PTPRM: variants seen among roughly 807,000 people sequenced by gnomAD.
The protein encoded by PTPRM is protein tyrosine phosphatase receptor type M.
A neutral mutation model predicts 186.7 loss-of-function variants in PTPRM; 47 were observed. That is an observed-to-expected ratio of 0.25 (90% CI 0.20 to 0.32). The LOEUF is 0.32. PTPRM is among the 10% of genes least tolerant of loss of function. PTPRM has a pLI of 1.00. For synonymous variants in PTPRM, 668 were observed against 674.9 expected (o/e 0.99, Z 0.16); for missense variants, 1,494 against 1,865.0 (o/e 0.80, Z 3.66).
intron 7 of PTPRM, among the ~76,000 whole-genome samples, chr18:7,985,682 G>T (rs2082926378): frequency 6.6e-6 from 1 of 150,538 alleles, no homozygotes; most frequent in Non-Finnish European, 1.5e-5. Context: ...GTATATATGG[G>T]GTAAATGAGA....
intron 2 of PTPRM, among the ~76,000 whole-genome samples, chr18:7,783,073 A>G (rs563356691): frequency 2.0e-5 from 3 of 152,222 alleles, no homozygotes; most frequent in Non-Finnish European, 4.4e-5. Context: ...ATAAAATTGT[A>G]CAAGATGACA....
intron 12 of PTPRM, among the ~76,000 whole-genome samples, chr18:8,114,176 A>G (rs1282402950): frequency 2.6e-5 from 4 of 152,190 alleles, no homozygotes; most frequent in Non-Finnish European, 4.4e-5. Flanking sequence ...AAGTTCCACA[A>G]GAGTTTCTAC....
At chr18:8,285,511 C>T (rs1161028141) in intron 19 of PTPRM, among the ~76,000 whole-genome samples, 1 of 152,160 alleles carries the variant, frequency 6.6e-6, no homozygotes, top group Non-Finnish European at 1.5e-5. Flanking sequence ...TTGGCTTTCC[C>T]GTTAGTTGTC....
intron 22 of PTPRM, among the ~76,000 whole-genome samples, chr18:8,327,408 C>T (rs1177921425): frequency 6.6e-6 from 1 of 152,212 alleles, no homozygotes; most frequent in Non-Finnish European, 1.5e-5. Flanking sequence ...GATGCCTTGG[C>T]AGAAGATCAC....
intron 4 of PTPRM, among the ~76,000 whole-genome samples, chr18:7,919,816 G>A (rs1410911113): frequency 6.6e-6 from 1 of 152,090 alleles, no homozygotes. Flanking sequence ...TGCTATGACT[G>A]TATTACAGTT....
At chr18:7,980,590 C>T (rs1198893738) in intron 7 of PTPRM, among the ~76,000 whole-genome samples, 1 of 151,884 alleles carries the variant, frequency 6.6e-6, no homozygotes, top group East Asian at 1.9e-4. Flanking sequence ...CACTATGTTG[C>T]CCAGGCTGGT....
At chr18:8,278,819 A>G (rs1333835667) in intron 19 of PTPRM, among the ~76,000 whole-genome samples, 1 of 152,160 alleles carries the variant, frequency 6.6e-6, no homozygotes, top group Non-Finnish European at 1.5e-5. Context: ...GTTCATTGAA[A>G]TGTTTACTTG....
intron 4 of PTPRM, among the ~76,000 whole-genome samples, chr18:7,922,799 A>T (rs199660304): frequency 1.6e-4 from 13 of 82,348 alleles, no homozygotes; most frequent in African/African-American, 2.2e-4. Context: ...TTTAACTTAT[A>T]AAAAAAAGGT....
chr18:7,675,403 A>G (rs2039310792), intron 1 of PTPRM, among the ~76,000 whole-genome samples: 1 of 152,204 alleles, frequency 6.6e-6, no homozygotes, highest in South Asian at 2.1e-4. Context: ...CCCTTGTTCC[A>G]GAGCACACCA....
chr18:8,051,535 C>T (rs1351535729), intron 7 of PTPRM, among the ~76,000 whole-genome samples: 2 of 152,088 alleles, frequency 1.3e-5, no homozygotes, highest in African/African-American at 2.4e-5. Context: ...ATAGTTTTAT[C>T]GCATACGTAT....
In PTPRM at chr18:8,072,571, T is replaced by C. The variant is rs565711542; in HGVS notation, c.1441+2577T>C. Among the ~76,000 whole-genome samples the C allele has an allele frequency of 2.0e-5, 3 of 152,276 alleles. No individual in the cohort carries two copies. In the South Asian group the frequency reaches 6.2e-4, roughly 32 times the overall value. On this transcript the variant is annotated intron_variant, in intron 8 of 32. Transcript: ENST00000580170. ...AGAGAAGAAAGAAATAGAATAATTG[T>C]CAAACAGTATCCAGTTTGAAGAGAA...
At chr18:7,694,782 G>A (rs1412336985) in intron 1 of PTPRM, among the ~76,000 whole-genome samples, 1 of 152,104 alleles carries the variant, frequency 6.6e-6, no homozygotes, top group Admixed American at 6.5e-5. Flanking sequence ...ATATAAGAAT[G>A]GGTGAATGTA....
In PTPRM at chr18:8,118,811, A is replaced by ATAT. The variant is rs1555749530; in HGVS notation, c.2167+3984_2167+3985insTAT. On this transcript the variant is annotated intron_variant, in intron 13 of 32. Coordinates refer to ENST00000580170, the MANE Select transcript of PTPRM (RefSeq NM_001105244.2). ...TGACATTCCATCTCAAAAAAAAAAA[A>ATAT]ATATATATATATATATATATATGAG... Among the ~76,000 whole-genome samples, 660 of 128,324 alleles carry ATAT rather than the reference A, an allele frequency of 5.1e-3. 1 individual carries two copies. The highest frequency in any genetic ancestry group is 0.01 in the African/African-American group (359 of 34,746). 84.2% of individuals were successfully genotyped at this position (128,324 alleles called of 152,430 possible). A position where few individuals can be genotyped will look rare whatever the true frequency, so the allele number is the denominator to read the frequency against.
intron 2 of PTPRM, among the ~76,000 whole-genome samples, chr18:7,774,536 C>T (rs907491465): frequency 2.5e-4 from 38 of 152,216 alleles, no homozygotes; most frequent in African/African-American, 8.9e-4. Context: ...TGATCTTTTC[C>T]CAAGCAGCAA....
intron 7 of PTPRM, among the ~76,000 whole-genome samples, chr18:8,025,910 T>TA (rs1248580697): frequency 6.6e-6 from 1 of 152,170 alleles, no homozygotes; most frequent in Non-Finnish European, 1.5e-5. Context: ...GCTGCACAGG[T>TA]AAACACCTGT....
rs114263641 is a variant in PTPRM, at chr18:7,787,137, A to G, written c.196+12866A>G. ...ACTAGCTTTGGGAAGCATTCACCAT[A>G]ATGTATTTTCTCCACACTTGATATT... On this transcript the variant is annotated intron_variant, in intron 2 of 32. Transcript: ENST00000580170. 5.3e-3 allele frequency among the ~76,000 whole-genome samples: 807 copies of G among 152,324 alleles called. 9 individuals are homozygous for G. The highest frequency in any genetic ancestry group is 0.018 in the African/African-American group (761 of 41,570).
chr18:8,068,838 G>A (rs1377661372), intron 7 of PTPRM, among the ~76,000 whole-genome samples: 1 of 152,118 alleles, frequency 6.6e-6, no homozygotes, highest in African/African-American at 2.4e-5. Context: ...GGTGGCACAC[G>A]CCTGTAGTCC....
chr18:8,330,864 T>C (rs639197), intron 22 of PTPRM, among the ~76,000 whole-genome samples: 144,584 of 152,202 alleles, frequency 0.95, 69,027 homozygotes, highest in East Asian at 1. Context: ...CGCCTCTTTT[T>C]AGCTCCCCAT....
At chr18:8,360,813 A>T (rs901412126) in intron 23 of PTPRM, 26 of 152,262 alleles carry the variant, frequency 1.7e-4, no homozygotes, top group African/African-American at 6.3e-4. Context: ...CAGAACTCTT[A>T]TCACTTAAAA....
Sources: gnomAD v4.1 joint callset for allele counts (sites outside exome capture counted in the v4.1 genomes callset) on GRCh38, gnomAD v4.1.1 for gene constraint, MANE v1.5 for transcripts, NCBI Gene and HGNC (gene_info 2026-07-23, HGNC 2026-07-21) for gene names.